Variants in MRRF observed in about 807,000 individuals in gnomAD.
MRRF encodes ribosome-recycling factor, mitochondrial.
Under a neutral mutation model 25.1 loss-of-function variants are expected in MRRF, and 18 were observed. The ratio of observed to expected loss-of-function variants is 0.72; its 90% CI spans 0.50 to 1.06. The LOEUF (loss-of-function observed/expected upper bound fraction) is 1.06, where lower values mean the gene tolerates loss of function less well. Among genes scored for constraint, MRRF ranks in the 50% least tolerant of loss-of-function variants. MRRF has a pLI of 0.00. For synonymous variants in MRRF, 113 were observed against 112.1 expected, an observed-to-expected ratio of 1.01 and a Z score of -0.05; for missense variants, 323 against 319.3, an observed-to-expected ratio of 1.01 and a Z score of -0.09.
chr9:122,303,757 C>T (rs1834626988), intron 5 of MRRF, among the ~76,000 whole-genome samples: 1 of 152,144 alleles, frequency 6.6e-6, no homozygotes, highest in Non-Finnish European at 1.5e-5. Context: ...AAGTAACTTG[C>T]TCATGGTCAT....
intron 2 of MRRF, among the ~76,000 whole-genome samples, chr9:122,273,000 CCCTT>C (rs1455767976): frequency 7.9e-5 from 12 of 152,274 alleles, no homozygotes; most frequent in African/African-American, 2.6e-4. Flanking sequence ...GCTTATCTCT[CCCTT>C]CAGTAAATTT....
At chr9:122,272,410 A>C (rs1294136279) in intron 2 of MRRF, among the ~76,000 whole-genome samples, 1 of 152,158 alleles carries the variant, frequency 6.6e-6, no homozygotes, top group African/African-American at 2.4e-5. Flanking sequence ...TCACACCTGT[A>C]ATCCCAGCTA....
chr9:122,331,157 A>G lies in MRRF; in HGVS notation c.*8540A>G, dbSNP rs1463196715. 1 of 152,186 alleles carries G rather than the reference A, an allele frequency of 6.6e-6. No individual in the cohort carries two copies. Among genetic ancestry groups the G allele is most frequent in the East Asian group, 1.9e-4 (1 of 5,190 alleles). 9.4% of individuals were successfully genotyped at this position (152,186 alleles called of 1,614,324 possible). A position where few individuals can be genotyped will look rare whatever the true frequency, so the allele number is the denominator to read the frequency against. On this transcript the variant is annotated 3_prime_UTR_variant, in exon 7 of 7. Coordinates refer to ENST00000344641, the MANE Select transcript of MRRF (RefSeq NM_138777.5). ...GCTTGGGCAAGTTCTCTGGTTTCCA[A>G]TGAGGCCAGAGAACCTGTGCTGATC...
At position 122,323,004 on chromosome 9, in the gene MRRF, G is replaced by A. The variant is rs191894893; in HGVS notation, c.*387G>A. The A allele has an allele frequency of 1.9e-3, 533 of 286,418 alleles. 3 individuals carry two copies. Among genetic ancestry groups the A allele is most frequent in the African/African-American group, 0.011 (516 of 46,920 alleles). The allele number at this position is 286,418 out of a possible 1,614,324, so 17.7% of individuals were successfully genotyped here. On this transcript the variant is annotated 3_prime_UTR_variant, in exon 7 of 7. Coordinates refer to ENST00000344641, the MANE Select transcript of MRRF (RefSeq NM_138777.5). ...AACTCTGATATTGGCCTTCACCTGT[G>A]ACTGGACACTTTACTAGAGGCCCAT...
chr9:122,285,960 G>A, intron 4 of MRRF: 7 of 1,303,952 alleles, frequency 5.4e-6, no homozygotes, highest in Non-Finnish European at 7.1e-6. Flanking sequence ...GGTTGTATTA[G>A]GTCATTGCAT....
Position 122,291,809 on chromosome 9 carries a change from G to T in MRRF, c.520G>T (p.Glu174Ter). ...TGGAATGAATCTGAACCCAGAAGTG[G>T]AAGGGACGCTAATTCGGGTACCCAT... Reference protein sequence around the residue: ...ESGMNLNPEVEGTLIRVPIPQ... With the variant: ...ESGMNLNPEV Residue 174 changes from glutamate (E) to a stop codon, truncating the protein, a stop_gained, in exon 5 of 7, where the codon GAA becomes TAA. Transcript: ENST00000344641. LOFTEE classifies it high-confidence loss of function. The T allele has an allele frequency of 6.2e-7, 1 of 1,613,932 alleles. No homozygotes were observed. The highest frequency in any genetic ancestry group is 8.5e-7 in the Non-Finnish European group (1 of 1,179,778).
chr9:122,290,805 G>A (rs1330594774), intron 4 of MRRF, among the ~76,000 whole-genome samples: 1 of 152,134 alleles, frequency 6.6e-6, no homozygotes, highest in African/African-American at 2.4e-5. Context: ...TGAGTGTGAG[G>A]TGAGGCACTT....
chr9:122,302,163 AG>A (rs1184050854), intron 5 of MRRF, among the ~76,000 whole-genome samples: 1 of 152,204 alleles, frequency 6.6e-6, no homozygotes, highest in Admixed American at 6.5e-5. Context: ...AGAACTAGAT[AG>A]GCATATGGCA....
In MRRF at chr9:122,277,884, CCTTTTTT is replaced by C. The variant is rs1188728216; in HGVS notation, c.185-2551_185-2545del. 3.3e-5 allele frequency among the ~76,000 whole-genome samples: 5 copies of C among 151,858 alleles called. No individual in the cohort carries two copies. The South Asian group carries it at 8.3e-4, about 25-fold the overall frequency. ...GGACTTTCTTTATATCATGTTTTTT[CCTTTTTT>C]CTTTTTTTTAAATGCATATTTAAAA... On this transcript the variant is annotated intron_variant, in intron 2 of 6. Coordinates refer to ENST00000344641, the MANE Select transcript of MRRF (RefSeq NM_138777.5).
rs2119028497 is a variant in MRRF at position 122,323,128 on chromosome 9, G to T, written c.*511G>T. The T allele has an allele frequency of 5.6e-6, 1 of 176,996 alleles. No individual in the cohort carries two copies. The highest frequency in any genetic ancestry group is 2.4e-5 in the African/African-American group (1 of 42,450). 11.0% of individuals were successfully genotyped at this position (176,996 alleles called of 1,614,324 possible). On this transcript the variant is annotated 3_prime_UTR_variant, in exon 7 of 7. Transcript: ENST00000344641. ...ATTGATGATCACTGAGGATCTGTAT[G>T]TGAGGCACCCATAACAGTAGTTTTG...
intron 2 of MRRF, among the ~76,000 whole-genome samples, chr9:122,274,561 T>C (rs1378012594): frequency 6.6e-6 from 1 of 151,406 alleles, no homozygotes; most frequent in Non-Finnish European, 1.5e-5. Context: ...TGTGTGTGTG[T>C]GTGTGTGTGT....
At chr9:122,280,665 G>A (rs1475607410) in intron 3 of MRRF, 67 bp downstream of exon 3, 14 of 1,518,194 alleles carry the variant, frequency 9.2e-6, no homozygotes, top group African/African-American at 1.4e-5. Context: ...GCAGAGTTGA[G>A]TTTTAGTCCC....
In MRRF at chr9:122,291,736, A is replaced by G. The variant is rs375914632; in HGVS notation, c.460-13A>G. 1 of 1,587,234 alleles carries G rather than the reference A, an allele frequency of 6.3e-7. No homozygotes were observed. Among genetic ancestry groups the G allele is most frequent in the Non-Finnish European group, 8.7e-7 (1 of 1,155,490 alleles). On this transcript the variant is annotated splice_polypyrimidine_tract_variant and intron_variant, in intron 4 of 6. Coordinates refer to ENST00000344641, the MANE Select transcript of MRRF (RefSeq NM_138777.5). The stretch of plus-strand genomic sequence containing the variant: ...ATTTACTAATTCTGTTTACCTTTTG[A>G]TCTGGTTTTCAGTGTACAGCTGCAG...
In MRRF at chr9:122,321,831, G is replaced by A. The variant is rs142829009; in HGVS notation, c.712-709G>A. ...GGGCTTTATATACAAAGTATTTCAG[G>A]TGTAGGAAATTCTAGAGGCTCATTA... is the stretch of plus-strand genomic sequence containing the variant. On this transcript the variant is annotated intron_variant, in intron 6 of 6. Transcript: ENST00000344641. Among the ~76,000 whole-genome samples the A allele has an allele frequency of 1.1e-3, 173 of 151,762 alleles. 1 individual carries two copies. The highest frequency in any genetic ancestry group is 4.0e-3 in the African/African-American group (165 of 41,358).
chr9:122,285,594 G>A (rs1588030840), intron 4 of MRRF: 1 of 449,706 alleles, frequency 2.2e-6, no homozygotes, highest in Non-Finnish European at 4.0e-6. Flanking sequence ...TGGAGAGCCT[G>A]TACCTTGTGT....
In MRRF at chr9:122,328,979, CA is replaced by C. The variant is rs1458151791; in HGVS notation, c.*6363del. 2.0e-5 allele frequency: 3 copies of C among 152,126 alleles called. No homozygotes were observed. The highest frequency in any genetic ancestry group is 2.9e-5 in the Non-Finnish European group (2 of 68,036). 9.4% of individuals were successfully genotyped at this position (152,126 alleles called of 1,614,324 possible). A position where few individuals can be genotyped will look rare whatever the true frequency, so the allele number is the denominator to read the frequency against. ...TGTGCCCGAAGATCCCTTTCTCTTACATTCCTTTCTTCTGGTCTGTGTTTCA... is the reference window on the plus strand; with the variant it reads ...TGTGCCCGAAGATCCCTTTCTCTTACTTCCTTTCTTCTGGTCTGTGTTTCA... On this transcript the variant is annotated 3_prime_UTR_variant, in exon 7 of 7. Coordinates refer to ENST00000344641, the MANE Select transcript of MRRF (RefSeq NM_138777.5).
intron 5 of MRRF, among the ~76,000 whole-genome samples, chr9:122,307,694 T>A (rs964136191): frequency 6.6e-6 from 1 of 152,222 alleles, no homozygotes; most frequent in Non-Finnish European, 1.5e-5. Context: ...AGGAGAAAAC[T>A]GAGTTTGGAG....
rs535961088 is a variant in MRRF at position 122,323,430 on chromosome 9, C to G, written c.*813C>G. ...CATAGTAGGCAGTCATATGTTGTAT[C>G]GTGAATAAATTGCACATAGTAGCTA... On this transcript the variant is annotated 3_prime_UTR_variant, in exon 7 of 7. Coordinates refer to ENST00000344641, the MANE Select transcript of MRRF (RefSeq NM_138777.5). The G allele has an allele frequency of 1.3e-5, 2 of 152,348 alleles. No homozygotes were observed. The highest frequency in any genetic ancestry group is 4.1e-4 in the South Asian group (2 of 4,832). 9.4% of individuals were successfully genotyped at this position (152,348 alleles called of 1,614,324 possible). A position where few individuals can be genotyped will look rare whatever the true frequency, so the allele number is the denominator to read the frequency against.
chr9:122,317,013 C>A (rs1401067780), intron 6 of MRRF, among the ~76,000 whole-genome samples: 1 of 150,568 alleles, frequency 6.6e-6, no homozygotes, highest in Non-Finnish European at 1.5e-5. Flanking sequence ...TTTCATAAGC[C>A]CTCTTTTTGG....
Sources: gnomAD v4.1 joint callset for allele counts (sites outside exome capture counted in the v4.1 genomes callset) on GRCh38, gnomAD v4.1.1 for gene constraint, MANE v1.5 for transcripts, NCBI Gene and HGNC (gene_info 2026-07-23, HGNC 2026-07-21) for gene names.